Variants in TLR4 observed in about 807,000 individuals in gnomAD.
TLR4 encodes the protein toll like receptor 4, also known as toll-like receptor 4.
A neutral mutation model predicts 27.4 loss-of-function variants in TLR4; 17 were observed. That is an observed-to-expected ratio of 0.62 (90% CI 0.42 to 0.93). TLR4 has a LOEUF of 0.93. Ranked by LOEUF, TLR4 falls within the 40% of genes least tolerant of loss-of-function variation. TLR4 has a pLI of 0.00. For synonymous variants in TLR4, 363 were observed against 365.7 expected (o/e 0.99, Z 0.08); for missense variants, 926 against 962.3 (o/e 0.96, Z 0.50).
Position 117,718,322 on chromosome 9 carries a change from G to C in TLR4, c.*3674G>C, listed in dbSNP as rs1171093823. Reference sequence around the variant, plus strand: ...TTTCTGTGTGGTTGACACTAGCAAGGGTTTCTCAGTTGAAGCCATGAATCA... The same window carrying C: ...TTTCTGTGTGGTTGACACTAGCAAGCGTTTCTCAGTTGAAGCCATGAATCA... On this transcript the variant is annotated 3_prime_UTR_variant, in exon 3 of 3. Coordinates refer to ENST00000355622, the MANE Select transcript of TLR4 (RefSeq NM_138554.5). 6.6e-6 allele frequency: 1 copy of C among 151,968 alleles called. No homozygotes were observed. The highest frequency in any genetic ancestry group is 1.5e-5 in the Non-Finnish European group (1 of 67,992). The allele number at this position is 151,968 out of a possible 1,614,324, so 9.4% of individuals were successfully genotyped here.
Position 117,720,763 on chromosome 9 carries a change from C to G in TLR4, c.*6115C>G, listed in dbSNP as rs1048241193. On this transcript the variant is annotated 3_prime_UTR_variant, in exon 3 of 3. Coordinates refer to ENST00000355622, the MANE Select transcript of TLR4 (RefSeq NM_138554.5). ...ATGGGCCAAGCAAGGCAGGACTGACCTGAAATAACCCAGCCTGACTCTATC... is the reference window on the plus strand; with the variant it reads ...ATGGGCCAAGCAAGGCAGGACTGACGTGAAATAACCCAGCCTGACTCTATC... 1 of 152,270 alleles carries G rather than the reference C, an allele frequency of 6.6e-6. No homozygotes were observed. Among genetic ancestry groups the G allele is most frequent in the Non-Finnish European group, 1.5e-5 (1 of 68,110 alleles). The allele number at this position is 152,270 out of a possible 1,614,324, so 9.4% of individuals were successfully genotyped here.
In TLR4 at chr9:117,723,185, G is replaced by A. The variant is rs946388658; in HGVS notation, c.*8537G>A. 1 of 152,140 alleles carries A rather than the reference G, an allele frequency of 6.6e-6. No individual in the cohort carries two copies. Among genetic ancestry groups the A allele is most frequent in the African/African-American group, 2.4e-5 (1 of 41,432 alleles). 9.4% of individuals were successfully genotyped at this position (152,140 alleles called of 1,614,324 possible). A position where few individuals can be genotyped will look rare whatever the true frequency, so the allele number is the denominator to read the frequency against. The stretch of plus-strand genomic sequence containing the variant: ...CCAGGAATTCTATTCTATGATTAGA[G>A]GTGTAACTTCATCATCCAGATTTTC... On this transcript the variant is annotated 3_prime_UTR_variant, in exon 3 of 3. Transcript: ENST00000355622.
chr9:117,714,556 C>G lies in TLR4; in HGVS notation c.2428C>G (p.Arg810Gly), dbSNP rs199923181. Residue 810 changes from arginine to glycine, a missense_variant, in exon 3 of 3, where the codon CGA (arginine) becomes GGA (glycine). Physicochemically the swap from Arg to Gly is moderately radical, Grantham distance 125. Coordinates refer to ENST00000355622, the MANE Select transcript of TLR4 (RefSeq NM_138554.5). ...SVLGRHIFWR[R>G]LRKALLDGKS... ...CCTGGGGCGGCACATCTTCTGGAGA[C>G]GACTCAGAAAAGCCCTGCTGGATGG... The G allele has an allele frequency of 6.2e-7, 1 of 1,613,766 alleles. No individual in the cohort carries two copies. Among genetic ancestry groups the G allele is most frequent in the Non-Finnish European group, 8.5e-7 (1 of 1,179,974 alleles).
rs1250469237 is a variant in TLR4, at chr9:117,714,691, G to A, written c.*43G>A. ...CTCCTGAGGCATTTCTTGCCCAGCT[G>A]GGTCCAACACTTGTTCAGTTAATAA... On this transcript the variant is annotated 3_prime_UTR_variant, in exon 3 of 3. Coordinates refer to ENST00000355622, the MANE Select transcript of TLR4 (RefSeq NM_138554.5). 1.9e-6 allele frequency: 3 copies of A among 1,554,746 alleles called. No individual in the cohort carries two copies. Among genetic ancestry groups the A allele is most frequent in the African/African-American group, 1.4e-5 (1 of 73,704 alleles).
chr9:117,705,966 A>G (rs1369926452), intron 1 of TLR4, among the ~76,000 whole-genome samples: 1 of 152,200 alleles, frequency 6.6e-6, no homozygotes, highest in Non-Finnish European at 1.5e-5. Context: ...CCTCATTAAA[A>G]AAAGAAACAA....
rs755217340 is a variant in TLR4 at position 117,712,584 on chromosome 9, G to A, written c.456G>A (p.Leu152=). 1.7e-5 allele frequency: 27 copies of A among 1,613,874 alleles called. No homozygotes were observed. The East Asian group carries it at 3.3e-4, about 20-fold the overall frequency. Residue 152 remains leucine (L), a synonymous_variant, in exon 3 of 3, where the codon TTG becomes TTA. Transcript: ENST00000355622. ...TCCCCATTGGACATCTCAAAACTTT[G>A]AAAGAACTTAATGTGGCTCACAATC... ...ENFPIGHLKT[L]KELNVAHNLI...
At chr9:117,704,628 G>T (rs1829105516) in intron 1 of TLR4, 63 bp downstream of exon 1, 1 of 1,407,864 alleles carries the variant, frequency 7.1e-7, no homozygotes. Flanking sequence ...TTCTCACTGT[G>T]TGCCCTGGTT....
At position 117,714,183 on chromosome 9, in the gene TLR4, G is replaced by A. The variant is rs141222130; in HGVS notation, c.2055G>A (p.Glu685=). Residue 685 remains glutamate (E), a synonymous_variant, in exon 3 of 3, where the codon GAG becomes GAA. Coordinates refer to ENST00000355622, the MANE Select transcript of TLR4 (RefSeq NM_138554.5). ...DAFVIYSSQD[E]DWVRNELVKN... ...TTGTTATCTACTCAAGCCAGGATGA[G>A]GACTGGGTAAGGAATGAGCTAGTAA... 1.6e-5 allele frequency: 26 copies of A among 1,613,534 alleles called. No individual in the cohort carries two copies. In the African/African-American group the frequency reaches 2.7e-4, roughly 17 times the overall value.
chr9:117,710,358 G>A (rs1168235064), intron 2 of TLR4, among the ~76,000 whole-genome samples: 2 of 151,646 alleles, frequency 1.3e-5, no homozygotes, highest in Non-Finnish European at 2.9e-5. Flanking sequence ...TTAGGATAAT[G>A]GCTACTAGCT....
At chr9:117,710,990 GAAT>G (rs1463807790) in intron 2 of TLR4, among the ~76,000 whole-genome samples, 3 of 152,142 alleles carry the variant, frequency 2.0e-5, no homozygotes, top group Non-Finnish European at 4.4e-5. Flanking sequence ...TGCAGAGATA[GAAT>G]GATGGGCTAT....
At position 117,718,198 on chromosome 9, in the gene TLR4, G is replaced by A. The variant is rs1190629117; in HGVS notation, c.*3550G>A. 1 of 152,050 alleles carries A rather than the reference G, an allele frequency of 6.6e-6. No homozygotes were observed. Among genetic ancestry groups the A allele is most frequent in the Non-Finnish European group, 1.5e-5 (1 of 67,992 alleles). The allele number at this position is 152,050 out of a possible 1,614,324, so 9.4% of individuals were successfully genotyped here. ...ACAGAGTAGGAAAGTGACAAAACCT[G>A]AGCCTGGGCCTCCAGGTCACTCAAG... On this transcript the variant is annotated 3_prime_UTR_variant, in exon 3 of 3. Transcript: ENST00000355622.
At position 117,723,251 on chromosome 9, in the gene TLR4, G is replaced by C. The variant is rs548335811; in HGVS notation, c.*8603G>C. ...GTGGTTTTAGCGTTCTAAACCTGAT[G>C]ATGCTATATCAAAACGGGAGACTCA... is the stretch of plus-strand genomic sequence containing the variant. On this transcript the variant is annotated 3_prime_UTR_variant, in exon 3 of 3. Transcript: ENST00000355622. 1.3e-5 allele frequency: 2 copies of C among 152,204 alleles called. No homozygotes were observed. Among genetic ancestry groups the C allele is most frequent in the Admixed American group, 6.5e-5 (1 of 15,274 alleles). The allele number at this position is 152,204 out of a possible 1,614,324, so 9.4% of individuals were successfully genotyped here.
In TLR4 at chr9:117,715,161, G is replaced by A. The variant is rs1315426892; in HGVS notation, c.*513G>A. The A allele has an allele frequency of 6.0e-6, 1 of 167,316 alleles. No individual in the cohort carries two copies. The highest frequency in any genetic ancestry group is 2.4e-5 in the African/African-American group (1 of 41,626). The allele number at this position is 167,316 out of a possible 1,614,324, so 10.4% of individuals were successfully genotyped here. On this transcript the variant is annotated 3_prime_UTR_variant, in exon 3 of 3. Transcript: ENST00000355622. ...ATTTTAAGTCTGTCTCCTTACAGAG[G>A]TTAAAGTCTAGTGGCTAATTCCTAA...
chr9:117,709,968 C>T (rs945628934), intron 2 of TLR4, among the ~76,000 whole-genome samples: 1 of 151,878 alleles, frequency 6.6e-6, no homozygotes, highest in Non-Finnish European at 1.5e-5. Flanking sequence ...ACTTATTCTG[C>T]TGGATTAAAT....
At position 117,711,521 on chromosome 9, in the gene TLR4, C is replaced by A. The variant is rs1829230974; in HGVS notation, c.261-868C>A. Reference sequence around the variant, plus strand: ...TGGTAAACCTCTGCCTAATTGGGAACCTTCTTTCTCCACAACTCCATATTG... The same window carrying A: ...TGGTAAACCTCTGCCTAATTGGGAAACTTCTTTCTCCACAACTCCATATTG... On this transcript the variant is annotated intron_variant, in intron 2 of 2. Transcript: ENST00000355622. 1.3e-5 allele frequency among the ~76,000 whole-genome samples: 2 copies of A among 152,114 alleles called. 1 individual carries two copies. The highest frequency in any genetic ancestry group is 4.1e-4 in the South Asian group (2 of 4,828).
At chr9:117,708,815 G>A in intron 2 of TLR4, 86 bp downstream of exon 2, 1 of 1,541,548 alleles carries the variant, frequency 6.5e-7, no homozygotes, top group Admixed American at 1.7e-5. Flanking sequence ...CTTGGTTTGT[G>A]GAGTCTCATC....
Position 117,714,451 on chromosome 9 carries a change from G to GACAA in TLR4, c.2324_2325insCAAA (p.Glu775AspfsTer46). On this transcript the variant is annotated frameshift_variant, in exon 3 of 3. Coordinates refer to ENST00000355622, the MANE Select transcript of TLR4 (RefSeq NM_138554.5). LOFTEE classifies it high-confidence loss of function. The stretch of plus-strand genomic sequence containing the variant: ...CATCTTCATTGTCCTGCAGAAGGTG[G>GACAA]AGAAGACCCTGCTCAGGCAGCAGGT... 1 of 1,613,900 alleles carries GACAA rather than the reference G, an allele frequency of 6.2e-7. No homozygotes were observed. Among genetic ancestry groups the GACAA allele is most frequent in the Non-Finnish European group, 8.5e-7 (1 of 1,179,992 alleles).
At chr9:117,711,085 A>G (rs991474014) in intron 2 of TLR4, among the ~76,000 whole-genome samples, 3 of 152,204 alleles carry the variant, frequency 2.0e-5, no homozygotes, top group African/African-American at 7.2e-5. Flanking sequence ...ACTAAAACCT[A>G]GAGAGGAAAA....
chr9:117,721,643 C>A lies in TLR4; in HGVS notation c.*6995C>A, dbSNP rs1220244149. 6.6e-6 allele frequency: 1 copy of A among 152,166 alleles called. No homozygotes were observed. The highest frequency in any genetic ancestry group is 1.9e-4 in the East Asian group (1 of 5,194). The allele number at this position is 152,166 out of a possible 1,614,324, so 9.4% of individuals were successfully genotyped here. A position where few individuals can be genotyped will look rare whatever the true frequency, so the allele number is the denominator to read the frequency against. ...GTGTATCTAGGTACTAATTATCTAT[C>A]TTTATGATCTTTATTGCTAGAAATT... On this transcript the variant is annotated 3_prime_UTR_variant, in exon 3 of 3. Transcript: ENST00000355622.
Sources: allele counts gnomAD v4.1 joint callset (sites outside exome capture counted in the v4.1 genomes callset), GRCh38; gene constraint gnomAD v4.1.1; transcripts MANE v1.5; gene names NCBI Gene and HGNC (gene_info 2026-07-23, HGNC 2026-07-21).